The following SNX27 variants were observed in gnomAD, a reference collection of about 807,000 sequenced individuals.
The protein encoded by SNX27 is sorting nexin-27.
In SNX27, 22 loss-of-function variants were observed where a neutral mutation model predicts 71.6. That is an observed-to-expected ratio of 0.31 (90% CI 0.22 to 0.44). The LOEUF (loss-of-function observed/expected upper bound fraction) is 0.44, where lower values mean the gene tolerates loss of function less well. Among genes scored for constraint, SNX27 ranks in the 20% least tolerant of loss-of-function variants. The probability of loss-of-function intolerance (pLI) is 1.00; values close to 1 mark genes in which losing one functional copy is unlikely to be tolerated. For missense variants in SNX27, 531 were observed against 698.6 expected, an observed-to-expected ratio of 0.76 and a Z score of 2.70; for synonymous variants, 269 against 277.2, an observed-to-expected ratio of 0.97 and a Z score of 0.29.
chr1:151,683,950 A>G (rs1373445099), intron 8 of SNX27, among the ~76,000 whole-genome samples: 1 of 152,216 alleles, frequency 6.6e-6, no homozygotes, highest in African/African-American at 2.4e-5. Context: ...TACAGGACTG[A>G]GCCACTGAGC....
chr1:151,658,207 C>G, intron 2 of SNX27, 28 bp from the exon 3 acceptor site: 1 of 1,574,244 alleles, frequency 6.4e-7, no homozygotes, highest in East Asian at 2.2e-5. Context: ...ATTAAGTATG[C>G]TTTTCTTTTG....
intron 2 of SNX27, among the ~76,000 whole-genome samples, chr1:151,656,158 G>A (rs555934223): frequency 6.7e-6 from 1 of 148,174 alleles, no homozygotes; most frequent in South Asian, 2.1e-4. Flanking sequence ...GGGGGGCGGA[G>A]CTTGCAGTGA....
At chr1:151,638,820 G>A (rs763717048) in intron 1 of SNX27, 68 bp from the exon 2 acceptor site, 10 of 1,405,090 alleles carry the variant, frequency 7.1e-6, no homozygotes, top group Non-Finnish European at 9.1e-6. Flanking sequence ...TTGGGCAGGA[G>A]GGTGGAGATA....
chr1:151,683,341 C>A lies in SNX27; in HGVS notation c.1150-15C>A, dbSNP rs1477443638. ...TTTTACACTCCTTTCTGCTCTACTT[C>A]TGTTTTGGTGATAGGCAGTCGATGA... On this transcript the variant is annotated splice_polypyrimidine_tract_variant and intron_variant, in intron 7 of 11. Transcript: ENST00000458013. 3 of 1,599,122 alleles carry A rather than the reference C, an allele frequency of 1.9e-6. No individual in the cohort carries two copies. Among genetic ancestry groups the A allele is most frequent in the Non-Finnish European group, 1.7e-6 (2 of 1,172,670 alleles).
chr1:151,640,649 A>G (rs1668681705), intron 2 of SNX27, among the ~76,000 whole-genome samples: 1 of 152,218 alleles, frequency 6.6e-6, no homozygotes, highest in Admixed American at 6.5e-5. Flanking sequence ...TGCTGGGATT[A>G]CAGGTATGAG....
rs1465947347 is a variant in SNX27, at chr1:151,683,464, A to G, written c.1239+19A>G. On this transcript the variant is annotated intron_variant, in intron 8 of 11. Coordinates refer to ENST00000458013, the MANE Select transcript of SNX27 (RefSeq NM_001330723.2). Reference sequence around the variant, plus strand: ...GGTCATGGTAAGTTTATGTCCCCATAATCCCTTTAAAAATGCCCCTTCCTA... The same window carrying G: ...GGTCATGGTAAGTTTATGTCCCCATGATCCCTTTAAAAATGCCCCTTCCTA... 1.0e-5 allele frequency: 16 copies of G among 1,587,626 alleles called. No homozygotes were observed. Among genetic ancestry groups the G allele is most frequent in the Non-Finnish European group, 1.3e-5 (15 of 1,160,762 alleles).
rs2102633073 is a variant in SNX27, at chr1:151,638,940, C to A, written c.364C>A (p.Arg122=). The A allele has an allele frequency of 7.4e-6, 12 of 1,614,046 alleles. No individual in the cohort carries two copies. Among genetic ancestry groups the A allele is most frequent in the Non-Finnish European group, 8.5e-6 (10 of 1,180,038 alleles). ...ATHKQVVDLI[R]AGEKELILTV... Reference sequence around the variant, plus strand: ...ACACAAGCAGGTGGTGGACCTGATTCGAGCAGGCGAGAAGGAATTGATCTT... The same window carrying A: ...ACACAAGCAGGTGGTGGACCTGATTAGAGCAGGCGAGAAGGAATTGATCTT... The change falls in exon 2 of 12, where the codon CGA becomes AGA. Residue 122 remains arginine (R), a synonymous_variant. Transcript: ENST00000458013.
chr1:151,665,490 T>C (rs1161557841), intron 5 of SNX27, among the ~76,000 whole-genome samples: 1 of 152,224 alleles, frequency 6.6e-6, no homozygotes, highest in African/African-American at 2.4e-5. Flanking sequence ...ATATATAGTT[T>C]TTTTGTGTTA....
intron 1 of SNX27, among the ~76,000 whole-genome samples, chr1:151,630,771 C>T (rs1444983364): frequency 2.0e-5 from 3 of 152,156 alleles, no homozygotes; most frequent in South Asian, 2.1e-4. Context: ...CGGTGGCTCA[C>T]GCCTGTAATC....
chr1:151,662,488 TC>T, intron 5 of SNX27: 1 of 295,200 alleles, frequency 3.4e-6, no homozygotes, highest in South Asian at 3.8e-5. Flanking sequence ...GATTAACGCC[TC>T]CTTTTTTTTT....
At chr1:151,658,450 A>G (rs372925445) in intron 3 of SNX27, 23 bp downstream of exon 3, 7 of 1,607,652 alleles carry the variant, frequency 4.4e-6, no homozygotes, top group African/African-American at 4.0e-5. Context: ...ATCAAACTCT[A>G]CTATATTGAG....
At position 151,662,275 on chromosome 1, in the gene SNX27, A is replaced by G; in HGVS notation, c.906+5A>G. On this transcript the variant is annotated splice_donor_5th_base_variant and intron_variant, in intron 5 of 11. Coordinates refer to ENST00000458013, the MANE Select transcript of SNX27 (RefSeq NM_001330723.2). ...ACTACAGACCAAGTATATCAGGTAAATTAAATGAACACGTAGACTTGACAT... is the reference window on the plus strand; with the variant it reads ...ACTACAGACCAAGTATATCAGGTAAGTTAAATGAACACGTAGACTTGACAT... 6.3e-7 allele frequency: 1 copy of G among 1,576,298 alleles called. No homozygotes were observed. Among genetic ancestry groups the G allele is most frequent in the Non-Finnish European group, 8.7e-7 (1 of 1,146,206 alleles).
At chr1:151,620,212 G>A (rs1571756099) in intron 1 of SNX27, among the ~76,000 whole-genome samples, 1 of 152,260 alleles carries the variant, frequency 6.6e-6, no homozygotes, top group East Asian at 1.9e-4. Context: ...TTAAAAAGAT[G>A]GCTTTGAATG....
chr1:151,653,127 A>T lies in SNX27; in HGVS notation c.544-5108A>T, dbSNP rs566051990. On this transcript the variant is annotated intron_variant, in intron 2 of 11. Coordinates refer to ENST00000458013, the MANE Select transcript of SNX27 (RefSeq NM_001330723.2). ...TTTTTAGTAGAGACAGGGTTTCTCC[A>T]TGTTGGTCAGGCTGGTCTTGAACTC... Among the ~76,000 whole-genome samples the T allele has an allele frequency of 2.8e-3, 427 of 152,094 alleles. 1 individual carries two copies. Among genetic ancestry groups the T allele is most frequent in the African/African-American group, 9.6e-3 (397 of 41,494 alleles).
intron 1 of SNX27, among the ~76,000 whole-genome samples, chr1:151,626,527 C>G (rs1233471045): frequency 6.6e-6 from 1 of 152,014 alleles, no homozygotes; most frequent in Non-Finnish European, 1.5e-5. Flanking sequence ...CATGGAGAAA[C>G]CTGTCTCTAC....
At chr1:151,618,265 A>G (rs566859446) in intron 1 of SNX27, among the ~76,000 whole-genome samples, 5 of 152,054 alleles carry the variant, frequency 3.3e-5, no homozygotes, top group Non-Finnish European at 7.4e-5. Context: ...ACTATTACCC[A>G]TTGTTAAATT....
In SNX27 at chr1:151,616,992, T is replaced by C. The variant is rs1558031543; in HGVS notation, c.311+4480T>C. The stretch of plus-strand genomic sequence containing the variant: ...ATGCAGTAGGTTGTAGGCCTTGGAT[T>C]CTCAGTTCATTTTATCTTCATGATT... On this transcript the variant is annotated intron_variant, in intron 1 of 11. Coordinates refer to ENST00000458013, the MANE Select transcript of SNX27 (RefSeq NM_001330723.2). 2.0e-5 allele frequency among the ~76,000 whole-genome samples: 3 copies of C among 152,290 alleles called. 1 individual carries two copies. The highest frequency in any genetic ancestry group is 2.0e-4 in the Admixed American group (3 of 15,286).
At chr1:151,634,973 A>G (rs1282971642) in intron 1 of SNX27, among the ~76,000 whole-genome samples, 1 of 152,208 alleles carries the variant, frequency 6.6e-6, no homozygotes, top group Non-Finnish European at 1.5e-5. Flanking sequence ...GTGTGATAAG[A>G]GAATTGGTGC....
At chr1:151,674,461 TG>T (rs1191725526) in intron 7 of SNX27, among the ~76,000 whole-genome samples, 1 of 152,186 alleles carries the variant, frequency 6.6e-6, no homozygotes, top group Non-Finnish European at 1.5e-5. Context: ...AAACCATGTT[TG>T]ATGTTTTTTT....
Sources: allele counts gnomAD v4.1 joint callset (sites outside exome capture counted in the v4.1 genomes callset), GRCh38; gene constraint gnomAD v4.1.1; transcripts MANE v1.5; gene names NCBI Gene and HGNC (gene_info 2026-07-23, HGNC 2026-07-21).